TACR3: variants seen among roughly 807,000 people sequenced by gnomAD.
TACR3 encodes the protein neuromedin-K receptor.
Under a neutral mutation model 35.0 loss-of-function variants are expected in TACR3, and 34 were observed. The observed-to-expected ratio is 0.97, with a 90% CI of 0.74 to 1.30. TACR3 has a LOEUF of 1.30. Ranked by LOEUF, TACR3 falls within the 50% of genes most tolerant of loss-of-function variation. TACR3 has a pLI of 0.00. For missense variants in TACR3, 558 were observed against 591.7 expected (o/e 0.94, Z 0.59); for synonymous variants, 233 against 221.1 (o/e 1.05, Z -0.48).
intron 3 of TACR3, among the ~76,000 whole-genome samples, chr4:103,599,769 G>A (rs142565456): frequency 0.026 from 3,939 of 152,180 alleles, 73 homozygotes; most frequent in Non-Finnish European, 0.039. Flanking sequence ...GTTGATTTGC[G>A]TATGTCGAAC....
At chr4:103,680,755 T>A (rs2110208827) in intron 1 of TACR3, among the ~76,000 whole-genome samples, 1 of 151,818 alleles carries the variant, frequency 6.6e-6, no homozygotes, top group African/African-American at 2.4e-5. Flanking sequence ...GATTTTCTGG[T>A]TTTGTTTTCT....
chr4:103,618,062 C>G (rs1277608981), intron 3 of TACR3, among the ~76,000 whole-genome samples: 1 of 152,090 alleles, frequency 6.6e-6, no homozygotes, highest in African/African-American at 2.4e-5. Flanking sequence ...TTTTAGTCAT[C>G]CTTTGAGGGC....
intron 3 of TACR3, among the ~76,000 whole-genome samples, chr4:103,624,107 C>A (rs866937183): frequency 6.6e-6 from 1 of 152,086 alleles, no homozygotes; most frequent in African/African-American, 2.4e-5. Context: ...TTGAAGGACC[C>A]GTTGCTTATT....
chr4:103,630,231 A>C (rs1461475033), intron 3 of TACR3, among the ~76,000 whole-genome samples: 1 of 152,240 alleles, frequency 6.6e-6, no homozygotes, highest in African/African-American at 2.4e-5. Flanking sequence ...AAACCATAAA[A>C]ACCCTAGAAT....
At chr4:103,647,980 T>C (rs911035970) in intron 3 of TACR3, among the ~76,000 whole-genome samples, 3 of 151,976 alleles carry the variant, frequency 2.0e-5, no homozygotes, top group African/African-American at 7.2e-5. Context: ...CTTCAAAGAA[T>C]ATAATTCACA....
At chr4:103,679,642 G>A (rs1262133659) in intron 1 of TACR3, among the ~76,000 whole-genome samples, 1 of 151,788 alleles carries the variant, frequency 6.6e-6, no homozygotes, top group Admixed American at 6.6e-5. Flanking sequence ...TTTTAATTGA[G>A]CTCTACTTGT....
At chr4:103,617,588 T>C (rs949324987) in intron 3 of TACR3, among the ~76,000 whole-genome samples, 3 of 152,164 alleles carry the variant, frequency 2.0e-5, no homozygotes, top group Admixed American at 6.5e-5. Flanking sequence ...AGTCTATTCT[T>C]TTTAGCAACT....
At chr4:103,709,952 G>A (rs973672290) in intron 1 of TACR3, among the ~76,000 whole-genome samples, 13 of 152,096 alleles carry the variant, frequency 8.5e-5, no homozygotes, top group African/African-American at 3.1e-4. Flanking sequence ...TCAACAAGAA[G>A]AGCTAACTAT....
rs536862453 is a variant in TACR3 at position 103,688,371 on chromosome 4, T to C, written c.549-29968A>G. Among the ~76,000 whole-genome samples, 892 of 152,008 alleles carry C rather than the reference T, an allele frequency of 5.9e-3. 7 individuals carry two copies. Among genetic ancestry groups the C allele is most frequent in the African/African-American group, 0.021 (854 of 41,434 alleles). On this transcript the variant is annotated intron_variant, in intron 1 of 4. Coordinates refer to ENST00000304883, the MANE Select transcript of TACR3 (RefSeq NM_001059.3). ...TTCATGTCTAAAACACCAAAAGCAA[T>C]GGCAACAAAAGCCAAAATTGACAAA... is the stretch of plus-strand genomic sequence containing the variant.
chr4:103,648,462 C>A (rs777647470), intron 3 of TACR3, among the ~76,000 whole-genome samples: 1 of 151,804 alleles, frequency 6.6e-6, no homozygotes, highest in Non-Finnish European at 1.5e-5. Flanking sequence ...ACCTCTGGGA[C>A]CTTCCTTCTA....
chr4:103,591,414 A>C, intron 4 of TACR3, 73 bp downstream of exon 4: 2 of 1,569,506 alleles, frequency 1.3e-6, no homozygotes, highest in Non-Finnish European at 1.8e-6. Context: ...AACCAAGAAA[A>C]TGGAACAACA....
intron 3 of TACR3, among the ~76,000 whole-genome samples, chr4:103,603,964 C>G (rs1345453055): frequency 6.6e-6 from 1 of 152,154 alleles, no homozygotes; most frequent in East Asian, 1.9e-4. Flanking sequence ...GGCCATACTG[C>G]CCAAAGTAAT....
chr4:103,614,883 T>TG (rs1660636137), intron 3 of TACR3, among the ~76,000 whole-genome samples: 1 of 131,758 alleles, frequency 7.6e-6, no homozygotes, highest in Non-Finnish European at 1.6e-5. Context: ...ATTATGAATG[T>TG]GTTTTTTTTT....
In TACR3 at chr4:103,627,612, C is replaced by T. The variant is rs537640505; in HGVS notation, c.888+28582G>A. Among the ~76,000 whole-genome samples the T allele has an allele frequency of 5.3e-5, 8 of 152,192 alleles. No individual in the cohort carries two copies. The East Asian group carries it at 1.5e-3, about 29-fold the overall frequency. On this transcript the variant is annotated intron_variant, in intron 3 of 4. Transcript: ENST00000304883. ...GAGCTAACTATCCTAAATATATATG[C>T]ACCCAATACAGGAGCACCCAGATTC...
chr4:103,680,295 G>A (rs17248388), intron 1 of TACR3, among the ~76,000 whole-genome samples: 5,586 of 151,602 alleles, frequency 0.037, 116 homozygotes, highest in Non-Finnish European at 0.049. Flanking sequence ...AAAGAAAATG[G>A]TGCTTAGTCT....
intron 1 of TACR3, among the ~76,000 whole-genome samples, chr4:103,671,371 T>G (rs1460792909): frequency 1.3e-5 from 2 of 152,014 alleles, no homozygotes; most frequent in Non-Finnish European, 2.9e-5. Context: ...TGGTGTTAGC[T>G]TTTCTTTAAA....
At chr4:103,614,943 G>A (rs1476938551) in intron 3 of TACR3, among the ~76,000 whole-genome samples, 1 of 112,100 alleles carries the variant, frequency 8.9e-6, no homozygotes, top group Non-Finnish European at 1.7e-5. Flanking sequence ...CACCCAGTCT[G>A]GAGTGCAGTG....
intron 3 of TACR3, among the ~76,000 whole-genome samples, chr4:103,596,936 A>G (rs1324105218): frequency 6.6e-6 from 1 of 150,872 alleles, no homozygotes; most frequent in African/African-American, 2.4e-5. Context: ...CGAACTCATC[A>G]TTTTTTATGG....
intron 1 of TACR3, among the ~76,000 whole-genome samples, chr4:103,700,650 T>A (rs1450808700): frequency 3.3e-5 from 5 of 152,160 alleles, no homozygotes; most frequent in African/African-American, 1.2e-4. Context: ...GCCAGAACTG[T>A]CTTTACAATT....
Sources: allele counts gnomAD v4.1 joint callset (sites outside exome capture counted in the v4.1 genomes callset), GRCh38; gene constraint gnomAD v4.1.1; transcripts MANE v1.5; gene names NCBI Gene and HGNC (gene_info 2026-07-23, HGNC 2026-07-21).